DNM3: variants seen among roughly 807,000 people sequenced by gnomAD.
DNM3 encodes dynamin 3, also known as dynamin-3.
In DNM3, 47 loss-of-function variants were observed where a neutral mutation model predicts 101.6. The observed-to-expected ratio is 0.46, with a 90% CI of 0.37 to 0.59. The LOEUF is 0.59. Ranked by LOEUF, DNM3 falls within the 20% of genes least tolerant of loss-of-function variation. DNM3 has a pLI of 0.00. For missense variants in DNM3, 849 were observed against 1,085.7 expected (o/e 0.78, Z 3.06); for synonymous variants, 385 against 387.9 (o/e 0.99, Z 0.09).
intron 14 of DNM3, among the ~76,000 whole-genome samples, chr1:172,241,239 A>ATGTGATGTGTGTG (rs1553205455): frequency 1.3e-5 from 2 of 148,342 alleles, no homozygotes; most frequent in African/African-American, 2.5e-5. Context: ...ATATACATAG[A>ATGTGATGTGTGTG]TGTGTGTGTG....
Position 172,033,141 on chromosome 1 carries a change from T to C in DNM3, c.725T>C (p.Ile242Thr). 1 of 1,612,522 alleles carries C rather than the reference T, an allele frequency of 6.2e-7. No individual in the cohort carries two copies. The highest frequency in any genetic ancestry group is 1.1e-5 in the South Asian group (1 of 90,748). ...VGVVNRSQKDIDGKKDIKAAM... is the reference protein window; with the variant it reads ...VGVVNRSQKDTDGKKDIKAAM... ...GTGGTAAACAGAAGCCAGAAGGACA[T>C]AGATGGGAAGAAGGACATAAAGGCA... Residue 242 changes from isoleucine (I) to threonine (T), a missense_variant, in exon 6 of 21, where the codon ATA becomes ACA. By Grantham distance (89) the Ile-to-Thr change is moderately conservative (BLOSUM62 -1). Transcript: ENST00000627582.
rs184024381 is a variant in DNM3, at chr1:172,105,190, A to G, written c.1545+12315A>G. On this transcript the variant is annotated intron_variant, in intron 13 of 20. Coordinates refer to ENST00000627582, the MANE Select transcript of DNM3 (RefSeq NM_015569.5). ...TGATTGTATAATAATGTCAACAATA[A>G]TAGCATAATAATCATAGCAGTTCAC... is the stretch of plus-strand genomic sequence containing the variant. Among the ~76,000 whole-genome samples, 5 of 152,350 alleles carry G rather than the reference A, an allele frequency of 3.3e-5. No individual in the cohort carries two copies. In the East Asian group the frequency reaches 7.7e-4, roughly 23 times the overall value.
intron 2 of DNM3, among the ~76,000 whole-genome samples, chr1:171,935,768 A>ATTTT (rs1184683663): frequency 9.3e-5 from 5 of 53,814 alleles, no homozygotes; most frequent in Middle Eastern, 0.015. Flanking sequence ...ACAAATCAAA[A>ATTTT]CTTTTTTTTT....
chr1:172,067,169 C>G (rs770504137), intron 10 of DNM3, among the ~76,000 whole-genome samples: 1 of 152,118 alleles, frequency 6.6e-6, no homozygotes, highest in Non-Finnish European at 1.5e-5. Flanking sequence ...CATTAGATCA[C>G]TTGTACAGTT....
chr1:172,283,780 A>AAAAAAAAAAAAAAAAAAAAAAAAAAG (rs1553221113), intron 15 of DNM3, among the ~76,000 whole-genome samples: 1 of 119,114 alleles, frequency 8.4e-6, no homozygotes, highest in Non-Finnish European at 1.7e-5. Flanking sequence ...AAAAAAAAAA[A>AAAAAAAAAAAAAAAAAAAAAAAAAAG]AAAGAAAGAA....
intron 18 of DNM3, among the ~76,000 whole-genome samples, chr1:172,383,502 A>T (rs2069028401): frequency 6.6e-6 from 1 of 152,188 alleles, no homozygotes; most frequent in South Asian, 2.1e-4. Flanking sequence ...ATTGAATTTT[A>T]ATACATGTAT....
chr1:172,101,404 G>A (rs976413744), intron 13 of DNM3, among the ~76,000 whole-genome samples: 1 of 152,122 alleles, frequency 6.6e-6, no homozygotes, highest in Non-Finnish European at 1.5e-5. Flanking sequence ...GTTCTTCAGA[G>A]CTGACACAGT....
At position 172,387,424 on chromosome 1, in the gene DNM3, G is replaced by C. The variant is rs576538450; in HGVS notation, c.2285+65G>C. 194 of 1,344,692 alleles carry C rather than the reference G, an allele frequency of 1.4e-4. No homozygotes were observed. In the Middle Eastern group the frequency reaches 3.0e-3, roughly 21 times the overall value. The allele number at this position is 1,344,692 out of a possible 1,614,324, so 83.3% of individuals were successfully genotyped here. A position where few individuals can be genotyped will look rare whatever the true frequency, so the allele number is the denominator to read the frequency against. ...TGTAATCCCAGCACTTTGAGAGGCC[G>C]AGGCGGGCGGATCACGAGGTCAGGA... On this transcript the variant is annotated intron_variant, in intron 19 of 20. Transcript: ENST00000627582.
intron 1 of DNM3, among the ~76,000 whole-genome samples, chr1:171,901,112 C>CATAAAAAAAA: frequency 1.5e-5 from 1 of 66,756 alleles, no homozygotes; most frequent in Non-Finnish European, 2.7e-5. Context: ...GACTCTGTCT[C>CATAAAAAAAA]AAAAAAAAAA....
chr1:172,370,442 T>C (rs1385823742), intron 17 of DNM3: 3 of 152,016 alleles, frequency 2.0e-5, no homozygotes, highest in Non-Finnish European at 4.4e-5. Context: ...ATAAAGAAGA[T>C]GAAATGTGCA....
At chr1:172,092,114 A>G (rs1430639910) in intron 12 of DNM3, among the ~76,000 whole-genome samples, 2 of 152,118 alleles carry the variant, frequency 1.3e-5, no homozygotes, top group Non-Finnish European at 2.9e-5. Flanking sequence ...TCAGGAGTTT[A>G]GTTTTGAAAT....
intron 13 of DNM3, among the ~76,000 whole-genome samples, chr1:172,122,249 T>A (rs867351311): frequency 1.3e-5 from 2 of 152,176 alleles, no homozygotes; most frequent in African/African-American, 2.4e-5. Context: ...TATATTACAA[T>A]TTTTTCCCTG....
chr1:172,386,205 A>G (rs189192932), intron 18 of DNM3, among the ~76,000 whole-genome samples: 10 of 152,304 alleles, frequency 6.6e-5, no homozygotes, highest in African/African-American at 2.4e-4. Context: ...ATGAAGATGC[A>G]TCTTATACTC....
chr1:172,335,235 C>T (rs754298454), intron 17 of DNM3, among the ~76,000 whole-genome samples: 4 of 152,072 alleles, frequency 2.6e-5, no homozygotes, highest in Non-Finnish European at 5.9e-5. Context: ...ATTCAGCTAT[C>T]CACATCAATT....
At chr1:172,149,040 A>G (rs1347719630) in intron 14 of DNM3, among the ~76,000 whole-genome samples, 14 of 152,172 alleles carry the variant, frequency 9.2e-5, no homozygotes, top group Non-Finnish European at 2.1e-4. Context: ...TTAAATCAGA[A>G]AGCTATAAAT....
chr1:172,327,869 A>G (rs963523955), intron 17 of DNM3, among the ~76,000 whole-genome samples: 3 of 152,214 alleles, frequency 2.0e-5, no homozygotes, highest in Non-Finnish European at 4.4e-5. Context: ...TCTGTCAATC[A>G]TTGCATCACC....
intron 3 of DNM3, among the ~76,000 whole-genome samples, chr1:171,988,540 A>T (rs1197008296): frequency 6.6e-6 from 1 of 152,130 alleles, no homozygotes; most frequent in Non-Finnish European, 1.5e-5. Context: ...TCTATTAAAA[A>T]AAAAAAATGA....
intron 4 of DNM3, among the ~76,000 whole-genome samples, chr1:172,029,556 G>C (rs1232982521): frequency 2.0e-5 from 3 of 152,138 alleles, no homozygotes; most frequent in Admixed American, 6.5e-5. Context: ...TTCTGGCCAG[G>C]TCAATCAGGC....
intron 10 of DNM3, among the ~76,000 whole-genome samples, chr1:172,059,823 A>G (rs1001983901): frequency 3.6e-5 from 5 of 138,372 alleles, no homozygotes; most frequent in Non-Finnish European, 6.2e-5. Flanking sequence ...CCTATTCAAC[A>G]TAGTGTTGGA....
Sources: allele counts gnomAD v4.1 joint callset (sites outside exome capture counted in the v4.1 genomes callset), GRCh38; gene constraint gnomAD v4.1.1; transcripts MANE v1.5; gene names NCBI Gene and HGNC (gene_info 2026-07-23, HGNC 2026-07-21).